Variants in F5 observed in about 807,000 individuals in gnomAD.
F5 encodes coagulation factor V.
A neutral mutation model predicts 216.4 loss-of-function variants in F5; 138 were observed. The observed-to-expected ratio is 0.64, with a 90% CI of 0.56 to 0.73. The LOEUF is 0.73. Ranked by LOEUF, F5 falls within the 30% of genes least tolerant of loss-of-function variation. The pLI is 0.00. For synonymous variants in F5, 916 were observed against 930.7 expected (o/e 0.98, Z 0.29); for missense variants, 2,403 against 2,674.0 (o/e 0.90, Z 2.24).
intron 14 of F5, among the ~76,000 whole-genome samples, chr1:169,532,331 C>A (rs72708039): frequency 0.059 from 9,018 of 152,082 alleles, 364 homozygotes; most frequent in Admixed American, 0.1. Flanking sequence ...CAACATAGTA[C>A]TGGAAATTCT....
intron 3 of F5, among the ~76,000 whole-genome samples, chr1:169,569,981 G>A (rs1434405131): frequency 6.6e-6 from 1 of 151,954 alleles, no homozygotes; most frequent in East Asian, 1.9e-4. Context: ...TTAATGCAGA[G>A]GGCATAATAA....
intron 9 of F5, 96 bp downstream of exon 9, chr1:169,550,544 G>T (rs1175306358): frequency 3.5e-6 from 3 of 869,030 alleles, no homozygotes; most frequent in Non-Finnish European, 5.9e-6. Flanking sequence ...CTACCTGACT[G>T]CAGTAGTGAC....
chr1:169,542,816 CAGAGCT>C lies in F5; in HGVS notation c.2268_2273del (p.Ala757_Leu758del). On this transcript the variant is annotated inframe_deletion, in exon 13 of 25. Transcript: ENST00000367797. Reference sequence around the variant, plus strand: ...AAGAAACGAATTCAGTGCCATTCTCCAGAGCTAGGGCAGTAAGATTGAACTCTTCTT... The same window carrying C: ...AAGAAACGAATTCAGTGCCATTCTCCAGGGCAGTAAGATTGAACTCTTCTT... 6.2e-7 allele frequency: 1 copy of C among 1,614,088 alleles called. No individual in the cohort carries two copies. Among genetic ancestry groups the C allele is most frequent in the East Asian group, 2.2e-5 (1 of 44,890 alleles).
At chr1:169,558,971 T>G (rs1660394382) in intron 5 of F5, among the ~76,000 whole-genome samples, 182 bp downstream of exon 5, 1 of 151,368 alleles carries the variant, frequency 6.6e-6, no homozygotes, top group South Asian at 2.1e-4. Context: ...ACATTTCTTC[T>G]CTAGCTTCTA....
In F5 at chr1:169,541,767, G is replaced by A; in HGVS notation, c.3323C>T (p.Thr1108Ile). ...ACCTGGAGGACAGCTTGCCTGACCA[G>A]TGTCATTTGAGGAATTCTGATTATG... ...PDHNQNSSND[T>I]GQASCPPGLY... The change falls in exon 13 of 25, where the codon ACT becomes ATT. Residue 1108 changes from threonine to isoleucine, a missense_variant. Transcript: ENST00000367797. 6.2e-7 allele frequency: 1 copy of A among 1,614,068 alleles called. No homozygotes were observed. Among genetic ancestry groups the A allele is most frequent in the Non-Finnish European group, 8.5e-7 (1 of 1,180,000 alleles).
chr1:169,516,426 T>C (rs1659156296), intron 23 of F5, among the ~76,000 whole-genome samples: 1 of 152,222 alleles, frequency 6.6e-6, no homozygotes, highest in Admixed American at 6.5e-5. Flanking sequence ...GAAATAATAT[T>C]GATATGTTTC....
intron 7 of F5, 100 bp from the exon 8 acceptor site, chr1:169,552,834 T>A: frequency 1.1e-6 from 1 of 871,950 alleles, no homozygotes; most frequent in Non-Finnish European, 1.9e-6. Flanking sequence ...TTAGATTAGC[T>A]AACATACTAG....
Position 169,536,697 on chromosome 1 carries a change from A to G in F5, c.4797-17T>C, listed in dbSNP as rs1421029469. On this transcript the variant is annotated splice_polypyrimidine_tract_variant and intron_variant, in intron 13 of 24. Transcript: ENST00000367797. ...TCTGTTTCCCTGAAATAATAATACTATTTGTGTAAAAGAAGAAATTAAAGA... is the reference window on the plus strand; with the variant it reads ...TCTGTTTCCCTGAAATAATAATACTGTTTGTGTAAAAGAAGAAATTAAAGA... The G allele has an allele frequency of 6.9e-6, 11 of 1,588,912 alleles. No homozygotes were observed. Among genetic ancestry groups the G allele is most frequent in the Non-Finnish European group, 8.6e-6 (10 of 1,157,954 alleles).
chr1:169,522,511 A>G (rs1659333538), intron 21 of F5, among the ~76,000 whole-genome samples: 2 of 152,214 alleles, frequency 1.3e-5, no homozygotes, highest in Admixed American at 6.5e-5. Context: ...GTTCTGAGAC[A>G]TAGTATAAAT....
At chr1:169,523,410 C>T in intron 20 of F5, 58 bp from the exon 21 acceptor site, 4 of 1,591,392 alleles carry the variant, frequency 2.5e-6, no homozygotes, top group Non-Finnish European at 3.4e-6. Context: ...CACACACTGC[C>T]TAAATTCATT....
At chr1:169,558,947 C>A (rs1419719958) in intron 5 of F5, among the ~76,000 whole-genome samples, 3 of 151,530 alleles carry the variant, frequency 2.0e-5, no homozygotes, top group African/African-American at 7.3e-5. Flanking sequence ...GGTCACTATA[C>A]CTAACAAGGC....
intron 14 of F5, among the ~76,000 whole-genome samples, chr1:169,532,554 T>C (rs1659613212): frequency 6.6e-6 from 1 of 152,124 alleles, no homozygotes; most frequent in Non-Finnish European, 1.5e-5. Context: ...TGTACAAATG[T>C]ACAAAATAGC....
At position 169,515,593 on chromosome 1, in the gene F5, G is replaced by A; in HGVS notation, c.6379C>T (p.Leu2127=). 6.2e-7 allele frequency: 1 copy of A among 1,613,134 alleles called. No homozygotes were observed. Among genetic ancestry groups the A allele is most frequent in the Non-Finnish European group, 8.5e-7 (1 of 1,179,614 alleles). ...NNNKQWLEID[L]LKIKKITAII... ...GCCGTTATCTTCTTGATCTTGAGTA[G>A]ATCAATTTCTAGCCACTGCTTATTG... Residue 2127 remains leucine, a synonymous_variant, in exon 24 of 25, where the codon CTA becomes TTA. Transcript: ENST00000367797.
chr1:169,572,425 A>T, intron 2 of F5, 82 bp from the exon 3 acceptor site: 2 of 1,524,712 alleles, frequency 1.3e-6, no homozygotes, highest in Non-Finnish European at 1.8e-6. Context: ...CAAACAGATG[A>T]TACCAAGAGT....
At chr1:169,573,166 TC>T (rs1660765689) in intron 2 of F5, among the ~76,000 whole-genome samples, 1 of 152,152 alleles carries the variant, frequency 6.6e-6, no homozygotes, top group Non-Finnish European at 1.5e-5. Context: ...CAGGCTGGTC[TC>T]AAACTCCTGA....
At chr1:169,543,188 G>T in intron 12 of F5, 74 bp from the exon 13 acceptor site, 1 of 1,412,610 alleles carries the variant, frequency 7.1e-7, no homozygotes, top group Non-Finnish European at 9.9e-7. Context: ...AATCCATTGT[G>T]GCAGGTAATT....
At position 169,542,488 on chromosome 1, in the gene F5, GTCCCT is replaced by G. The variant is rs1186905730; in HGVS notation, c.2597_2601del (p.Lys866ThrfsTer22). Reference sequence around the variant, plus strand: ...GCTGCTTGATCTCTTTCTACCTTGGGTCCCTTATGCTTAGCATGTTCTTGACTTTT... The same window carrying G: ...GCTGCTTGATCTCTTTCTACCTTGGGTATGCTTAGCATGTTCTTGACTTTT... On this transcript the variant is annotated frameshift_variant, in exon 13 of 25. Coordinates refer to ENST00000367797, the MANE Select transcript of F5 (RefSeq NM_000130.5). LOFTEE classifies it high-confidence loss of function. The G allele has an allele frequency of 6.2e-7, 1 of 1,614,042 alleles. No individual in the cohort carries two copies. The highest frequency in any genetic ancestry group is 8.5e-7 in the Non-Finnish European group (1 of 1,179,986).
At chr1:169,523,663 T>C in intron 20 of F5, 138 bp downstream of exon 20, 1 of 836,592 alleles carries the variant, frequency 1.2e-6, no homozygotes, top group Non-Finnish European at 2.0e-6. Context: ...GGATATAAAG[T>C]ACTTAGAACA....
chr1:169,515,260 G>A (rs1396949460), intron 24 of F5, among the ~76,000 whole-genome samples, 184 bp downstream of exon 24: 1 of 151,982 alleles, frequency 6.6e-6, no homozygotes, highest in Non-Finnish European at 1.5e-5. Context: ...GGTGTAGTGA[G>A]AAATAAAACA....
Sources: allele counts gnomAD v4.1 joint callset (sites outside exome capture counted in the v4.1 genomes callset), GRCh38; gene constraint gnomAD v4.1.1; transcripts MANE v1.5; gene names NCBI Gene and HGNC (gene_info 2026-07-23, HGNC 2026-07-21).